The following BMS1 variants were observed in gnomAD, a reference collection of about 807,000 sequenced individuals.
BMS1 encodes the protein BMS1 ribosome biogenesis factor, also known as ribosome biogenesis protein BMS1 homolog.
Under a neutral mutation model 138.7 loss-of-function variants are expected in BMS1, and 53 were observed. The observed-to-expected ratio is 0.38, with a 90% CI of 0.31 to 0.48. The LOEUF (loss-of-function observed/expected upper bound fraction) is 0.48, where lower values mean the gene tolerates loss of function less well. BMS1 is among the 20% of genes least tolerant of loss of function. The pLI, the probability that BMS1 is intolerant of heterozygous loss-of-function variation, is 0.97. For synonymous variants in BMS1, 504 were observed against 539.9 expected (o/e 0.93, Z 0.92); for missense variants, 1,360 against 1,565.5 (o/e 0.87, Z 2.22).
At chr10:42,825,296 T>G (rs539878105) in intron 21 of BMS1, among the ~76,000 whole-genome samples, 1 of 152,294 alleles carries the variant, frequency 6.6e-6, no homozygotes. Flanking sequence ...CATGAGCCAC[T>G]GCGCCTGGCC....
chr10:42,807,207 C>T (rs1000348818), intron 13 of BMS1, among the ~76,000 whole-genome samples: 3 of 152,226 alleles, frequency 2.0e-5, no homozygotes, highest in African/African-American at 7.2e-5. Flanking sequence ...TCCCCAGCCC[C>T]CAGTTCCTTC....
At chr10:42,820,729 A>G in intron 17 of BMS1, 41 bp downstream of exon 17, 1 of 1,587,340 alleles carries the variant, frequency 6.3e-7, no homozygotes, top group Non-Finnish European at 8.6e-7. Context: ...GCCAAGATTA[A>G]ACCTTACAGG....
At chr10:42,829,777 C>T (rs1373563149) in intron 21 of BMS1, among the ~76,000 whole-genome samples, 8 of 151,824 alleles carry the variant, frequency 5.3e-5, no homozygotes, top group South Asian at 4.2e-4. Flanking sequence ...GCCGAGATCA[C>T]GGCACTGCTC....
At chr10:42,797,976 A>G (rs527569559) in intron 11 of BMS1, among the ~76,000 whole-genome samples, 1 of 152,326 alleles carries the variant, frequency 6.6e-6, no homozygotes, top group East Asian at 1.9e-4. Flanking sequence ...ATAAATATAT[A>G]GTGGTGAACT....
Position 42,789,462 on chromosome 10 carries a change from A to C in BMS1, c.448-861A>C, listed in dbSNP as rs187491558. Among the ~76,000 whole-genome samples, 97 of 152,284 alleles carry C rather than the reference A, an allele frequency of 6.4e-4. No homozygotes were observed. In the Middle Eastern group the frequency reaches 0.027, roughly 43 times the overall value. ...CAAAGATAAGAACAGAAATGTTTTT[A>C]ATACTTAAACTAGAAATTTCCAGGA... is the stretch of plus-strand genomic sequence containing the variant. On this transcript the variant is annotated intron_variant, in intron 4 of 22. Transcript: ENST00000374518.
In BMS1 at chr10:42,796,783, G is replaced by A. The variant is rs762013522; in HGVS notation, c.1539G>A (p.Ala513=). 1.9e-5 allele frequency: 31 copies of A among 1,614,082 alleles called. No homozygotes were observed. The highest frequency in any genetic ancestry group is 3.3e-4 in the Middle Eastern group (2 of 6,082). Residue 513 remains alanine (A), a synonymous_variant, in exon 10 of 23, where the codon GCG becomes GCA. Coordinates refer to ENST00000374518, the MANE Select transcript of BMS1 (RefSeq NM_014753.4). ...DSDDDLERSS[A]EEGEAEEADE... ...ACGATGACCTTGAGAGGAGCTCAGC[G>A]GAAGAAGGGGAAGCGGAGGAAGCTG...
chr10:42,788,988 AT>A (rs1393237335), intron 4 of BMS1, among the ~76,000 whole-genome samples: 11 of 152,164 alleles, frequency 7.2e-5, no homozygotes, highest in African/African-American at 2.4e-4. Context: ...ATTCCATTCT[AT>A]GGAGGCACCA....
chr10:42,787,305 T>G (rs570005174), intron 4 of BMS1, 58 bp downstream of exon 4: 2 of 919,468 alleles, frequency 2.2e-6, no homozygotes, highest in Admixed American at 3.5e-5. Context: ...TGTGATAGGT[T>G]ATTTACCCCG....
intron 3 of BMS1, among the ~76,000 whole-genome samples, chr10:42,786,746 A>G (rs547360564): frequency 4.6e-5 from 7 of 151,900 alleles, no homozygotes; most frequent in African/African-American, 1.4e-4. Flanking sequence ...TGACTGTTTT[A>G]TTTTTACCTT....
chr10:42,789,629 TA>T (rs1354125503), intron 4 of BMS1, among the ~76,000 whole-genome samples: 4 of 151,906 alleles, frequency 2.6e-5, no homozygotes, highest in African/African-American at 7.3e-5. Flanking sequence ...GGTAGCTATT[TA>T]AAAAAAATTT....
chr10:42,785,676 G>A lies in BMS1; in HGVS notation c.367+4G>A. ...GGCCCTGTGACGATTGTGTCAGGTA[G>A]GAGATGCCACCACAGACACAGAGTT... On this transcript the variant is annotated splice_donor_region_variant and intron_variant, in intron 3 of 22. Transcript: ENST00000374518. The A allele has an allele frequency of 5.0e-6, 8 of 1,612,538 alleles. No individual in the cohort carries two copies. Among genetic ancestry groups the A allele is most frequent in the Non-Finnish European group, 6.8e-6 (8 of 1,178,702 alleles).
rs6593498 is a variant in BMS1, at chr10:42,832,349, T to C, written c.*1253T>C. ...CTGAGGTAGGAGGATCACTTGAGCTTGGGAGGTTGAGGCTGCAGTGAGCCA... is the reference window on the plus strand; with the variant it reads ...CTGAGGTAGGAGGATCACTTGAGCTCGGGAGGTTGAGGCTGCAGTGAGCCA... On this transcript the variant is annotated 3_prime_UTR_variant, in exon 23 of 23. Transcript: ENST00000374518. 71,466 of 151,604 alleles carry C rather than the reference T, an allele frequency of 0.47. 17,562 individuals are homozygous for C. The highest frequency in any genetic ancestry group is 0.63 in the East Asian group (3,233 of 5,142). The allele number at this position is 151,604 out of a possible 1,614,324, so 9.4% of individuals were successfully genotyped here.
intron 11 of BMS1, among the ~76,000 whole-genome samples, chr10:42,798,076 G>A (rs971234077): frequency 6.6e-6 from 1 of 152,238 alleles, no homozygotes; most frequent in Non-Finnish European, 1.5e-5. Context: ...GAAGGTTGTT[G>A]TATACTGATT....
chr10:42,809,952 ATTTTTTT>A (rs34656411), intron 13 of BMS1, among the ~76,000 whole-genome samples: 24 of 113,998 alleles, frequency 2.1e-4, no homozygotes, highest in African/African-American at 7.1e-4. Context: ...TGTCTGGCTA[ATTTTTTT>A]TTTTTTTTTT....
chr10:42,796,412 C>T, intron 9 of BMS1, 62 bp from the exon 10 acceptor site: 1 of 1,492,256 alleles, frequency 6.7e-7, no homozygotes, highest in Admixed American at 2.0e-5. Context: ...ACTATATTGC[C>T]ATTTCTAGAT....
rs571638873 is a variant in BMS1 at position 42,834,170 on chromosome 10, G to A, written c.*3074G>A. 56 of 152,168 alleles carry A rather than the reference G, an allele frequency of 3.7e-4. No individual in the cohort carries two copies. Among genetic ancestry groups the A allele is most frequent in the African/African-American group, 1.3e-3 (53 of 41,498 alleles). The allele number at this position is 152,168 out of a possible 1,614,324, so 9.4% of individuals were successfully genotyped here. Reference sequence around the variant, plus strand: ...ACCTACAGTGTACATATCATTCCATGCCATTAAATATTCTTATTTAATCAT... The same window carrying A: ...ACCTACAGTGTACATATCATTCCATACCATTAAATATTCTTATTTAATCAT... On this transcript the variant is annotated 3_prime_UTR_variant, in exon 23 of 23. Coordinates refer to ENST00000374518, the MANE Select transcript of BMS1 (RefSeq NM_014753.4).
At chr10:42,785,331 T>C (rs1451791779) in intron 2 of BMS1, 151 bp from the exon 3 acceptor site, 1 of 543,090 alleles carries the variant, frequency 1.8e-6, no homozygotes, top group East Asian at 3.0e-5. Flanking sequence ...TAATTATATT[T>C]ATATATTGTC....
chr10:42,783,137 C>T (rs1841208942), intron 1 of BMS1, among the ~76,000 whole-genome samples: 1 of 152,022 alleles, frequency 6.6e-6, no homozygotes, highest in Admixed American at 6.5e-5. Context: ...GTGCTTTTCC[C>T]ACCAAGAAGA....
At chr10:42,789,082 C>T (rs150291149) in intron 4 of BMS1, among the ~76,000 whole-genome samples, 7 of 152,294 alleles carry the variant, frequency 4.6e-5, no homozygotes, top group Admixed American at 2.0e-4. Flanking sequence ...ACACACAGTA[C>T]GTGGATTTGG....
Sources: allele counts gnomAD v4.1 joint callset (sites outside exome capture counted in the v4.1 genomes callset), GRCh38; gene constraint gnomAD v4.1.1; transcripts MANE v1.5; gene names NCBI Gene and HGNC (gene_info 2026-07-23, HGNC 2026-07-21).